Variants in PLEKHG3 observed in about 807,000 individuals in gnomAD.
PLEKHG3 encodes pleckstrin homology and RhoGEF domain containing G3, also known as pleckstrin homology domain-containing family G member 3.
PLEKHG3 carries 62 observed loss-of-function variants against 94.9 expected under a neutral mutation model. The observed-to-expected ratio is 0.65, with a 90% CI of 0.53 to 0.81. PLEKHG3 has a LOEUF of 0.81. Among genes scored for constraint, PLEKHG3 ranks in the 30% least tolerant of loss-of-function variants. The pLI is 0.00. For synonymous variants in PLEKHG3, 614 were observed against 654.0 expected (o/e 0.94, Z 0.93); for missense variants, 1,461 against 1,619.3 (o/e 0.90, Z 1.68).
rs1320094219 is a variant in PLEKHG3, at chr14:64,747,745, T to C, written c.*4042T>C. 1.3e-5 allele frequency: 2 copies of C among 152,370 alleles called. No individual in the cohort carries two copies. Among genetic ancestry groups the C allele is most frequent in the Non-Finnish European group, 2.9e-5 (2 of 68,180 alleles). 9.4% of individuals were successfully genotyped at this position (152,370 alleles called of 1,614,324 possible). On this transcript the variant is annotated 3_prime_UTR_variant, in exon 17 of 17. Coordinates refer to ENST00000247226, the MANE Select transcript of PLEKHG3 (RefSeq NM_001308147.2). Reference sequence around the variant, plus strand: ...ACGGGGAAGGTGATAGAAACTTGACTGCAGGCCCTGGGGACTTTCATGGTT... The same window carrying C: ...ACGGGGAAGGTGATAGAAACTTGACCGCAGGCCCTGGGGACTTTCATGGTT...
chr14:64,737,277 T>C (rs1234416075), intron 13 of PLEKHG3, 79 bp from the exon 14 acceptor site: 1 of 1,135,364 alleles, frequency 8.8e-7, no homozygotes, highest in East Asian at 2.5e-5. Flanking sequence ...AGAGGTCTTT[T>C]TCCTGCTTAC....
Position 64,738,661 on chromosome 14 carries a change from G to C in PLEKHG3, c.1405-81G>C. On this transcript the variant is annotated intron_variant, in intron 14 of 16. Transcript: ENST00000247226. The surrounding 1 kb of genome is among the most constrained non-coding windows in gnomAD (Gnocchi z 4.8). ...GCTCAGCCCAGCCCCTTGGGGCGTGGGAGGCACTGCCCGTGTTGGGATGCA... is the reference window on the plus strand; with the variant it reads ...GCTCAGCCCAGCCCCTTGGGGCGTGCGAGGCACTGCCCGTGTTGGGATGCA... 3.9e-6 allele frequency: 4 copies of C among 1,018,540 alleles called. No homozygotes were observed. The highest frequency in any genetic ancestry group is 6.0e-6 in the Non-Finnish European group (4 of 663,100). The allele number at this position is 1,018,540 out of a possible 1,614,324, so 63.1% of individuals were successfully genotyped here.
Position 64,743,059 on chromosome 14 carries a change from T to G in PLEKHG3, c.3016T>G (p.Ser1006Ala). The G allele has an allele frequency of 6.2e-7, 1 of 1,613,074 alleles. No homozygotes were observed. Among genetic ancestry groups the G allele is most frequent in the Non-Finnish European group, 8.5e-7 (1 of 1,179,772 alleles). ...GGAGCACAGCCCTCCCAAGCCCTCCTCGGCTGGGGAGATGTCACCACAGCG... is the reference window on the plus strand; with the variant it reads ...GGAGCACAGCCCTCCCAAGCCCTCCGCGGCTGGGGAGATGTCACCACAGCG... ...AQEHSPPKPSSAGEMSPQRFF... is the reference protein window; with the variant it reads ...AQEHSPPKPSAAGEMSPQRFF... Residue 1006 changes from serine (S) to alanine (A), a missense_variant, in exon 17 of 17, where the codon TCG becomes GCG. This residue lies in a region of PLEKHG3 where 1,201 missense variants were observed against 1,295.5 expected (regional missense o/e 0.93). Transcript: ENST00000247226. This position sits in a 1 kb window ranked among gnomAD's most constrained non-coding sequence, Gnocchi z 7.2.
At position 64,726,034 on chromosome 14, in the gene PLEKHG3, C is replaced by T. The variant is rs2081346161; in HGVS notation, c.-39-1559C>T. On this transcript the variant is annotated intron_variant, in intron 1 of 16. Transcript: ENST00000247226. This position sits in a 1 kb window ranked among gnomAD's most constrained non-coding sequence, Gnocchi z 5.1. ...GTAGTAAGAGAACACAGAAAGAGTT[C>T]CCCAGGTTTGGGGGATATTGGAAGG... Among the ~76,000 whole-genome samples, 1 of 152,070 alleles carries T rather than the reference C, an allele frequency of 6.6e-6. No individual in the cohort carries two copies. Among genetic ancestry groups the T allele is most frequent in the Admixed American group, 6.6e-5 (1 of 15,262 alleles).
rs757530240 is a variant in PLEKHG3, at chr14:64,727,926, C to T, written c.295C>T (p.Arg99Trp). 9.3e-6 allele frequency: 15 copies of T among 1,608,688 alleles called. No individual in the cohort carries two copies. The highest frequency in any genetic ancestry group is 5.0e-5 in the Admixed American group (3 of 59,836). The change falls in exon 2 of 17, where the codon CGG becomes TGG. Residue 99 changes from arginine (R) to tryptophan (W), a missense_variant. Coordinates refer to ENST00000247226, the MANE Select transcript of PLEKHG3 (RefSeq NM_001308147.2). The surrounding 1 kb of genome is among the most constrained non-coding windows in gnomAD (Gnocchi z 6.0). ...HKLSYLGRVV[R>W]EIVETERMYV... The stretch of plus-strand genomic sequence containing the variant: ...GCTCAGCTACCTGGGCCGAGTGGTG[C>T]GGGAGATCGTGGAGACAGAGCGCAT...
In PLEKHG3 at chr14:64,731,126, TCAA is replaced by T; in HGVS notation, c.808_810del (p.Asn270del). 1 of 1,607,102 alleles carries T rather than the reference TCAA, an allele frequency of 6.2e-7. No individual in the cohort carries two copies. Among genetic ancestry groups the T allele is most frequent in the Non-Finnish European group, 8.5e-7 (1 of 1,176,016 alleles). ...ACCATGACCTGTGTGGCCTGGTACA[TCAA>T]CGACATGAAGAGGAGGCATGAGCAC... On this transcript the variant is annotated inframe_deletion, in exon 7 of 17. Transcript: ENST00000247226. This position sits in a 1 kb window ranked among gnomAD's most constrained non-coding sequence, Gnocchi z 6.1.
intron 12 of PLEKHG3, among the ~76,000 whole-genome samples, chr14:64,735,892 G>C (rs1594701751): frequency 6.6e-6 from 1 of 152,332 alleles, no homozygotes; most frequent in South Asian, 2.1e-4. Context: ...TTCTTGATAA[G>C]TTTTAAAATG....
At chr14:64,712,643 G>A (rs938993865) in intron 1 of PLEKHG3, among the ~76,000 whole-genome samples, 19 of 152,152 alleles carry the variant, frequency 1.2e-4, no homozygotes, top group African/African-American at 4.6e-4. Context: ...GAATAAAATA[G>A]ATTTTTGTGT....
chr14:64,727,631 G>C lies in PLEKHG3; in HGVS notation c.-1G>C. 2 of 1,600,336 alleles carry C rather than the reference G, an allele frequency of 1.2e-6. No individual in the cohort carries two copies. Among genetic ancestry groups the C allele is most frequent in the Non-Finnish European group, 1.7e-6 (2 of 1,169,178 alleles). On this transcript the variant is annotated 5_prime_UTR_variant, in exon 2 of 17. Transcript: ENST00000247226. The surrounding 1 kb of genome is among the most constrained non-coding windows in gnomAD (Gnocchi z 6.0). ...TGCCCTCCCCAGGCAGCAATGCCAG[G>C]ATGCCTGTGTCCACCTCCCTCCACC...
rs2081617793 is a variant in PLEKHG3 at position 64,738,372 on chromosome 14, C to T, written c.1405-370C>T. 5 of 422,654 alleles carry T rather than the reference C, an allele frequency of 1.2e-5. No individual in the cohort carries two copies. Among genetic ancestry groups the T allele is most frequent in the South Asian group, 2.0e-5 (1 of 50,470 alleles). The allele number at this position is 422,654 out of a possible 1,614,324, so 26.2% of individuals were successfully genotyped here. ...CACTTAACACCATCGCTCGCTGTCACACCCTGGTGAGCCCCTGGCATGCTC... is the reference window on the plus strand; with the variant it reads ...CACTTAACACCATCGCTCGCTGTCATACCCTGGTGAGCCCCTGGCATGCTC... On this transcript the variant is annotated intron_variant, in intron 14 of 16. Transcript: ENST00000247226. The surrounding 1 kb of genome is among the most constrained non-coding windows in gnomAD (Gnocchi z 4.8).
At chr14:64,729,834 C>T (rs1443536683) in intron 3 of PLEKHG3, among the ~76,000 whole-genome samples, 1 of 152,112 alleles carries the variant, frequency 6.6e-6, no homozygotes. Flanking sequence ...TCTAGGGGTG[C>T]CAGGACTCAC....
intron 12 of PLEKHG3, among the ~76,000 whole-genome samples, chr14:64,733,911 G>T (rs953134014): frequency 1.3e-5 from 2 of 152,226 alleles, no homozygotes; most frequent in Non-Finnish European, 1.5e-5. Context: ...CTTAAGCCAG[G>T]TGTCTGCCAA....
At position 64,749,646 on chromosome 14, in the gene PLEKHG3, G is replaced by A. The variant is rs773778110; in HGVS notation, c.*5943G>A. The A allele has an allele frequency of 3.7e-5, 59 of 1,613,476 alleles. No individual in the cohort carries two copies. Among genetic ancestry groups the A allele is most frequent in the Non-Finnish European group, 4.7e-5 (55 of 1,179,934 alleles). ...TAGCCAGGTCTGGGCTAGGCTGCCC[G>A]CGCTTACCTCATCCTTGCCATGGAA... On this transcript the variant is annotated 3_prime_UTR_variant, in exon 17 of 17. Coordinates refer to ENST00000247226, the MANE Select transcript of PLEKHG3 (RefSeq NM_001308147.2). The surrounding 1 kb of genome is among the most constrained non-coding windows in gnomAD (Gnocchi z 4.7).
At position 64,726,553 on chromosome 14, in the gene PLEKHG3, T is replaced by TC. The variant is rs558451690; in HGVS notation, c.-39-1035dup. ...GTAGTCTGGCCACTCCACCCTTCCA[T>TC]CCCCCGGCTGCTCCAGGTGGGCCTG... On this transcript the variant is annotated intron_variant, in intron 1 of 16. Transcript: ENST00000247226. The surrounding 1 kb of genome is among the most constrained non-coding windows in gnomAD (Gnocchi z 5.1). 9.5e-3 allele frequency among the ~76,000 whole-genome samples: 1,438 copies of TC among 152,154 alleles called. 30 individuals are homozygous for TC. Among genetic ancestry groups the TC allele is most frequent in the Non-Finnish European group, 9.6e-3 (652 of 67,996 alleles).
rs2080942234 is a variant in PLEKHG3 at position 64,704,520 on chromosome 14, T to C, written c.-224T>C. The C allele has an allele frequency of 6.5e-6, 1 of 154,916 alleles. No individual in the cohort carries two copies. Among genetic ancestry groups the C allele is most frequent in the African/African-American group, 2.4e-5 (1 of 41,340 alleles). 9.6% of individuals were successfully genotyped at this position (154,916 alleles called of 1,614,324 possible). A position where few individuals can be genotyped will look rare whatever the true frequency, so the allele number is the denominator to read the frequency against. ...CTGGCAAGCCGCGCGCTGCCTGGGG[T>C]CTCCGGGGGCCGCGCTTGCAGCTGG... On this transcript the variant is annotated 5_prime_UTR_variant, in exon 1 of 17. Transcript: ENST00000247226. This position sits in a 1 kb window ranked among gnomAD's most constrained non-coding sequence, Gnocchi z 5.6.
At position 64,743,682 on chromosome 14, in the gene PLEKHG3, G is replaced by A. The variant is rs756700511; in HGVS notation, c.3639G>A (p.Gln1213=). Residue 1213 remains glutamine, a synonymous_variant, in exon 17 of 17, where the codon CAG becomes CAA. Coordinates refer to ENST00000247226, the MANE Select transcript of PLEKHG3 (RefSeq NM_001308147.2). The surrounding 1 kb of genome is among the most constrained non-coding windows in gnomAD (Gnocchi z 7.2). The part of the protein sequence containing the change: ...GRVRNLREKF[Q]ALNSVG The stretch of plus-strand genomic sequence containing the variant: ...TGAGAAACCTTAGAGAGAAGTTCCA[G>A]GCCTTGAACTCTGTCGGTTGATGCT... 38 of 1,570,776 alleles carry A rather than the reference G, an allele frequency of 2.4e-5. No homozygotes were observed. The highest frequency in any genetic ancestry group is 1.4e-5 in the African/African-American group (1 of 73,792).
At chr14:64,737,120 A>G in intron 13 of PLEKHG3, 2 of 644,768 alleles carry the variant, frequency 3.1e-6, no homozygotes, top group Non-Finnish European at 5.7e-6. Context: ...TCCGGAAACA[A>G]TGAGAGCCGA....
intron 1 of PLEKHG3, among the ~76,000 whole-genome samples, chr14:64,719,099 T>TG (rs2081219192): frequency 6.6e-6 from 1 of 152,196 alleles, no homozygotes; most frequent in Non-Finnish European, 1.5e-5. Context: ...CTACTTTTCC[T>TG]TTCCAGCTGA....
chr14:64,738,653 G>A lies in PLEKHG3; in HGVS notation c.1405-89G>A, dbSNP rs2081623194. 4 of 932,914 alleles carry A rather than the reference G, an allele frequency of 4.3e-6. No individual in the cohort carries two copies. The Admixed American group carries it at 8.1e-5, about 19-fold the overall frequency. The allele number at this position is 932,914 out of a possible 1,614,324, so 57.8% of individuals were successfully genotyped here. ...GGCTCTCAGCTCAGCCCAGCCCCTT[G>A]GGGCGTGGGAGGCACTGCCCGTGTT... On this transcript the variant is annotated intron_variant, in intron 14 of 16. Coordinates refer to ENST00000247226, the MANE Select transcript of PLEKHG3 (RefSeq NM_001308147.2). This position sits in a 1 kb window ranked among gnomAD's most constrained non-coding sequence, Gnocchi z 4.8.
Sources: allele counts gnomAD v4.1 joint callset (sites outside exome capture counted in the v4.1 genomes callset), GRCh38; gene constraint gnomAD v4.1.1; regional missense constraint gnomAD v4.1.1; non-coding constraint Gnocchi (gnomAD v3.1); transcripts MANE v1.5; gene names NCBI Gene and HGNC (gene_info 2026-07-23, HGNC 2026-07-21).